Variants in TSEN54 observed in about 807,000 individuals in gnomAD.
TSEN54 encodes tRNA-splicing endonuclease subunit Sen54.
In TSEN54, 55 loss-of-function variants were observed where a neutral mutation model predicts 61.9. The ratio of observed to expected loss-of-function variants is 0.89; its 90% CI spans 0.72 to 1.11. TSEN54 has a LOEUF of 1.11. Ranked by LOEUF, TSEN54 falls within the 50% of genes most tolerant of loss-of-function variation. The pLI is 0.00. For synonymous variants in TSEN54, 304 were observed against 288.7 expected (o/e 1.05, Z -0.54); for missense variants, 760 against 687.7 (o/e 1.11, Z -1.18).
At position 75,524,319 on chromosome 17, in the gene TSEN54, G is replaced by A. The variant is rs1478018901; in HGVS notation, c.1488G>A (p.Gly496=). The change falls in exon 11 of 11, where the codon GGG becomes GGA. Residue 496 remains glycine (G), a synonymous_variant. Transcript: ENST00000333213. ...CSLKRLSYQS[G]DVPLIFALVD... is the part of the protein sequence containing the mutation. The stretch of plus-strand genomic sequence containing the variant: ...TCAAGCGGTTGTCTTACCAGAGTGG[G>A]GATGTCCCTCTGATCTTTGCCCTGG... 2 of 1,614,148 alleles carry A rather than the reference G, an allele frequency of 1.2e-6. No homozygotes were observed. Among genetic ancestry groups the A allele is most frequent in the Non-Finnish European group, 8.5e-7 (1 of 1,180,038 alleles).
rs1395761554 is a variant in TSEN54, at chr17:75,516,552, G to A, written c.-9G>A. The A allele has an allele frequency of 1.8e-6, 2 of 1,129,750 alleles. No individual in the cohort carries two copies. The highest frequency in any genetic ancestry group is 1.7e-5 in the African/African-American group (1 of 60,414). The allele number at this position is 1,129,750 out of a possible 1,614,324, so 70.0% of individuals were successfully genotyped here. A position where few individuals can be genotyped will look rare whatever the true frequency, so the allele number is the denominator to read the frequency against. ...CGTGGCGGCGCGCGCAGCGGCAGGC[G>A]GCGGCGGGATGGAGCCCGAGCCCGA... On this transcript the variant is annotated 5_prime_UTR_variant, in exon 1 of 11. Coordinates refer to ENST00000333213, the MANE Select transcript of TSEN54 (RefSeq NM_207346.3).
intron 6 of TSEN54, 183 bp from the exon 7 acceptor site, chr17:75,521,226 C>T (rs1253896260): frequency 1.6e-6 from 1 of 634,026 alleles, no homozygotes; most frequent in African/African-American, 1.8e-5. Flanking sequence ...GGCAGAGGCA[C>T]ATGGCTGGGC....
In TSEN54 at chr17:75,516,765, G is replaced by A. The variant is rs1172442313; in HGVS notation, c.76G>A (p.Ala26Thr). The A allele has an allele frequency of 3.2e-6, 5 of 1,575,024 alleles. No homozygotes were observed. The South Asian group carries it at 3.4e-5, about 11-fold the overall frequency. ...RVLSARELFAARSRSQKLPQR... is the reference protein window; with the variant it reads ...RVLSARELFATRSRSQKLPQR... ...CCCCAGCGCCCGGGAGCTCTTCGCC[G>A]CCCGCTCGCGGTCGCAGAAGCTGCC... The change falls in exon 2 of 11, where the codon GCC (alanine) becomes ACC (threonine). Residue 26 changes from alanine to threonine, a missense_variant. By Grantham distance (58) the Ala-to-Thr change is moderately conservative. Around this residue, in one of 3 missense-constraint regions of TSEN54, gnomAD observed 667 missense variants for 577.8 expected, o/e 1.15. Transcript: ENST00000333213.
intron 5 of TSEN54, 124 bp downstream of exon 5, chr17:75,517,779 C>G: frequency 1.2e-6 from 1 of 848,526 alleles, no homozygotes; most frequent in East Asian, 2.5e-5. Context: ...GAGGGCTATG[C>G]TGTCACGAGG....
intron 8 of TSEN54, 163 bp downstream of exon 8, chr17:75,522,496 G>C: frequency 6.7e-7 from 1 of 1,488,742 alleles, no homozygotes; most frequent in South Asian, 1.3e-5. Context: ...GCTGCAGCAG[G>C]GCCTGTGTGG....
intron 8 of TSEN54, chr17:75,522,702 C>T (rs765035397): frequency 4.2e-5 from 18 of 424,030 alleles, no homozygotes; most frequent in Non-Finnish European, 6.8e-5. Flanking sequence ...GCCCAGGGAA[C>T]CAATGGGGAA....
chr17:75,516,971 G>T, intron 2 of TSEN54, 38 bp from the exon 3 acceptor site: 1 of 1,555,210 alleles, frequency 6.4e-7, no homozygotes, highest in Non-Finnish European at 8.7e-7. Flanking sequence ...GGGGTCTCCG[G>T]AATGGACTGA....
Position 75,519,140 on chromosome 17 carries a change from C to T in TSEN54, c.521+93C>T. ...GAAAATGGCCTCTCCTTACCTGGAA[C>T]CCTTGGCTGGAGTGCAGTTCCTTGG... On this transcript the variant is annotated intron_variant, in intron 6 of 10. Coordinates refer to ENST00000333213, the MANE Select transcript of TSEN54 (RefSeq NM_207346.3). 2.1e-6 allele frequency: 3 copies of T among 1,459,440 alleles called. No homozygotes were observed. In the South Asian group the frequency reaches 3.4e-5, roughly 17 times the overall value. The allele number at this position is 1,459,440 out of a possible 1,614,324, so 90.4% of individuals were successfully genotyped here. A position where few individuals can be genotyped will look rare whatever the true frequency, so the allele number is the denominator to read the frequency against.
Position 75,524,279 on chromosome 17 carries a change from C to A in TSEN54, c.1448C>A (p.Pro483Gln), listed in dbSNP as rs1477015999. The A allele has an allele frequency of 1.2e-6, 2 of 1,614,076 alleles. No individual in the cohort carries two copies. The highest frequency in any genetic ancestry group is 3.3e-5 in the Admixed American group (2 of 60,014). The change falls in exon 11 of 11, where the codon CCA (proline) becomes CAA (glutamine). Residue 483 changes from proline to glutamine, a missense_variant. By Grantham distance (76) the Pro-to-Gln change is moderately conservative. Around this residue, in one of 3 missense-constraint regions of TSEN54, gnomAD observed 83 missense variants for 82.9 expected, o/e 1.00. Transcript: ENST00000333213. ...MCISGFDEPV[P>Q]DLCSLKRLSY... is the part of the protein sequence containing the mutation. ...CCCTGCAGATTTGATGAGCCTGTCC[C>A]AGACCTCTGCAGCCTCAAGCGGTTG...
intron 6 of TSEN54, among the ~76,000 whole-genome samples, chr17:75,521,191 G>A (rs1176641182): frequency 1.3e-5 from 2 of 152,280 alleles, no homozygotes; most frequent in South Asian, 4.1e-4. Context: ...TACCAAGTTT[G>A]CTAGCTCCTC....
rs1221250692 is a variant in TSEN54, at chr17:75,522,148, A to G, written c.1067A>G (p.His356Arg). 7 of 1,560,042 alleles carry G rather than the reference A, an allele frequency of 4.5e-6. No homozygotes were observed. Among genetic ancestry groups the G allele is most frequent in the Middle Eastern group, 1.7e-4 (1 of 6,008 alleles). ...CTCTCCAGGCGGGAACGGGAGCACC[A>G]CGCGGAGGCCGCGCAGTTCCAGGAA... is the stretch of plus-strand genomic sequence containing the variant. Reference protein sequence around the residue: ...EKLSRREREHHAEAAQFQEDV... With the variant: ...EKLSRREREHRAEAAQFQEDV... Residue 356 changes from histidine to arginine, a missense_variant, in exon 8 of 11, where the codon CAC becomes CGC. Transcript: ENST00000333213.
chr17:75,518,873 T>C, intron 5 of TSEN54, 122 bp from the exon 6 acceptor site: 2 of 1,586,254 alleles, frequency 1.3e-6, no homozygotes, highest in Non-Finnish European at 1.7e-6. Context: ...ATCACAGGGT[T>C]TAGAATCTGG....
At position 75,522,249 on chromosome 17, in the gene TSEN54, G is replaced by A. The variant is rs1371551980; in HGVS notation, c.1168G>A (p.Val390Met). The change falls in exon 8 of 11, where the codon GTG becomes ATG. Residue 390 changes from valine (V) to methionine (M), a missense_variant. Val to Met is a conservative substitution (Grantham distance 21). Around this residue, in one of 3 missense-constraint regions of TSEN54, gnomAD observed 667 missense variants for 577.8 expected, o/e 1.15. Coordinates refer to ENST00000333213, the MANE Select transcript of TSEN54 (RefSeq NM_207346.3). ...CAAGGAGCTGCTGCAGCGGCGGCAG[G>A]TGCAGAGGAGCCAGCGCCGGGCCCC... is the stretch of plus-strand genomic sequence containing the variant. Reference protein sequence around the residue: ...EYKELLQRRQVQRSQRRAPHL... With the variant: ...EYKELLQRRQMQRSQRRAPHL... 3.9e-6 allele frequency: 6 copies of A among 1,547,882 alleles called. No individual in the cohort carries two copies. The highest frequency in any genetic ancestry group is 2.0e-5 in the Admixed American group (1 of 51,024).
chr17:75,523,141 T>G (rs190628875), intron 8 of TSEN54, 134 bp from the exon 9 acceptor site: 3 of 1,181,556 alleles, frequency 2.5e-6, no homozygotes, highest in Non-Finnish European at 3.8e-6. Flanking sequence ...ATCACGCCAC[T>G]ATACTCCAGC....
At chr17:75,523,136 G>A (rs887293837) in intron 8 of TSEN54, 139 bp from the exon 9 acceptor site, 6 of 1,105,100 alleles carry the variant, frequency 5.4e-6, no homozygotes, top group East Asian at 2.4e-5. Flanking sequence ...CCAAGATCAC[G>A]CCACTATACT....
In TSEN54 at chr17:75,521,754, A is replaced by T. The variant is rs778133967; in HGVS notation, c.673A>T (p.Ser225Cys). The T allele has an allele frequency of 1.2e-6, 2 of 1,612,968 alleles. No homozygotes were observed. Among genetic ancestry groups the T allele is most frequent in the Non-Finnish European group, 1.7e-6 (2 of 1,179,974 alleles). Reference protein sequence around the residue: ...KALDNSLQPKSLAASSPPPCS... With the variant: ...KALDNSLQPKCLAASSPPPCS... ...CCTGGACAACTCCCTGCAACCCAAGAGTCTGGCAGCCTCCAGCCCACCTCC... is the reference window on the plus strand; with the variant it reads ...CCTGGACAACTCCCTGCAACCCAAGTGTCTGGCAGCCTCCAGCCCACCTCC... The change falls in exon 8 of 11, where the codon AGT becomes TGT. Residue 225 changes from serine to cysteine, a missense_variant. Physicochemically the swap from Ser to Cys is moderately radical, Grantham distance 112. Transcript: ENST00000333213.
chr17:75,520,297 T>C (rs2053413529), intron 6 of TSEN54, among the ~76,000 whole-genome samples: 1 of 151,882 alleles, frequency 6.6e-6, no homozygotes, highest in African/African-American at 2.4e-5. Context: ...TAGGCTGGTG[T>C]GGTGGCTCAC....
At chr17:75,521,340 T>A in intron 6 of TSEN54, 69 bp from the exon 7 acceptor site, 1 of 1,356,900 alleles carries the variant, frequency 7.4e-7, no homozygotes, top group South Asian at 1.2e-5. Context: ...CCCGTTTCCT[T>A]ACACATCCCA....
rs199962683 is a variant in TSEN54, at chr17:75,519,031, C to T, written c.505C>T (p.Arg169Ter). The change falls in exon 6 of 11, where the codon CGA (arginine) becomes TGA (stop). Residue 169 changes from arginine (R) to a stop codon, truncating the protein, a stop_gained. Coordinates refer to ENST00000333213, the MANE Select transcript of TSEN54 (RefSeq NM_207346.3). LOFTEE classifies it high-confidence loss of function. ...SHLKRLGYVV[R>*]RFQPSSVLSP... ...CCTGAAGAGGTTGGGTTATGTGGTT[C>T]GACGATTCCAACCAAGGTAAATCCC... 1.3e-5 allele frequency: 21 copies of T among 1,613,296 alleles called. No homozygotes were observed. Among genetic ancestry groups the T allele is most frequent in the Non-Finnish European group, 1.5e-5 (18 of 1,179,886 alleles).
Sources: gnomAD v4.1 joint callset for allele counts (sites outside exome capture counted in the v4.1 genomes callset) on GRCh38, gnomAD v4.1.1 for gene constraint, gnomAD v4.1.1 regional missense constraint, MANE v1.5 for transcripts, NCBI Gene and HGNC (gene_info 2026-07-23, HGNC 2026-07-21) for gene names.